Variants in GNA12 observed in about 807,000 individuals in gnomAD.
GNA12 encodes the protein guanine nucleotide-binding protein subunit alpha-12.
A neutral mutation model predicts 26.0 loss-of-function variants in GNA12; 9 were observed. The observed-to-expected ratio is 0.35, with a 90% CI of 0.21 to 0.60. The LOEUF is 0.60. Ranked by LOEUF, GNA12 falls within the 20% of genes least tolerant of loss-of-function variation. The pLI, the probability that GNA12 is intolerant of heterozygous loss-of-function variation, is 0.78. For missense variants in GNA12, 405 were observed against 525.8 expected, an observed-to-expected ratio of 0.77 and a Z score of 2.25; for synonymous variants, 264 against 219.6, an observed-to-expected ratio of 1.20 and a Z score of -1.79.
intron 1 of GNA12, among the ~76,000 whole-genome samples, chr7:2,829,149 G>A (rs963292331): frequency 2.6e-5 from 4 of 152,034 alleles, no homozygotes; most frequent in Non-Finnish European, 2.9e-5. Context: ...ACCTCCATGA[G>A]AGCAGAGACC....
intron 1 of GNA12, among the ~76,000 whole-genome samples, chr7:2,808,819 C>A (rs1053678920): frequency 1.4e-4 from 22 of 152,228 alleles, no homozygotes; most frequent in Admixed American, 5.2e-4. Flanking sequence ...AAGCCTAGGT[C>A]AGCTCTTATC....
chr7:2,737,263 A>AGTTTTGTTTT lies in GNA12; in HGVS notation c.526-3772_526-3763dup, dbSNP rs569069278. Among the ~76,000 whole-genome samples the AGTTTTGTTTT allele has an allele frequency of 3.2e-3, 254 of 79,542 alleles. 2 individuals carry two copies. The highest frequency in any genetic ancestry group is 0.01 in the African/African-American group (240 of 23,574). 52.2% of individuals were successfully genotyped at this position (79,542 alleles called of 152,430 possible). A position where few individuals can be genotyped will look rare whatever the true frequency, so the allele number is the denominator to read the frequency against. On this transcript the variant is annotated intron_variant, in intron 2 of 3. Coordinates refer to ENST00000275364, the MANE Select transcript of GNA12 (RefSeq NM_007353.3). ...TCTGCCCATTCAGGAGCTATCTCAC[A>AGTTTTGTTTT]GTTTTGTTTTGTTTTTTTTTTTTTT...
At chr7:2,793,161 G>C (rs1311805582) in intron 2 of GNA12, among the ~76,000 whole-genome samples, 10 of 152,194 alleles carry the variant, frequency 6.6e-5, no homozygotes, top group Admixed American at 1.3e-4. Context: ...CAGTGCTCTG[G>C]ACATGTCAAG....
chr7:2,823,212 C>A (rs1793407490), intron 1 of GNA12, among the ~76,000 whole-genome samples: 1 of 152,168 alleles, frequency 6.6e-6, no homozygotes, highest in Non-Finnish European at 1.5e-5. Flanking sequence ...CCCTGAAGAA[C>A]CCTTCTGTCT....
chr7:2,754,005 A>C (rs936758435), intron 2 of GNA12, among the ~76,000 whole-genome samples: 1 of 152,196 alleles, frequency 6.6e-6, no homozygotes, highest in African/African-American at 2.4e-5. Flanking sequence ...TGACCAGAGA[A>C]TCTACATCTA....
intron 1 of GNA12, among the ~76,000 whole-genome samples, chr7:2,797,871 C>A (rs1455506987): frequency 1.3e-5 from 2 of 152,124 alleles, no homozygotes; most frequent in Non-Finnish European, 2.9e-5. Flanking sequence ...CTTTAAGAAG[C>A]AGTATCTGAC....
intron 2 of GNA12, among the ~76,000 whole-genome samples, chr7:2,750,422 A>G (rs906039281): frequency 2.6e-5 from 4 of 152,268 alleles, no homozygotes; most frequent in Non-Finnish European, 5.9e-5. Context: ...CTCAGGGGAC[A>G]CATGCTGAGA....
chr7:2,783,531 G>A lies in GNA12; in HGVS notation c.525+11397C>T, dbSNP rs140061054. Reference sequence around the variant, plus strand: ...CCAACTTCATTTCCACCTCCACTTCGGGACCCCCAAAAGATCTGTCAGAAA... The same window carrying A: ...CCAACTTCATTTCCACCTCCACTTCAGGACCCCCAAAAGATCTGTCAGAAA... On this transcript the variant is annotated intron_variant, in intron 2 of 3. Transcript: ENST00000275364. Among the ~76,000 whole-genome samples the A allele has an allele frequency of 3.9e-5, 6 of 151,952 alleles. No homozygotes were observed. The East Asian group carries it at 5.8e-4, about 15-fold the overall frequency.
intron 2 of GNA12, among the ~76,000 whole-genome samples, chr7:2,776,913 G>A (rs1792091940): frequency 6.6e-6 from 1 of 152,154 alleles, no homozygotes; most frequent in Admixed American, 6.5e-5. Context: ...CTGTGCAGCT[G>A]TGCTTCAGCC....
In GNA12 at chr7:2,792,069, G is replaced by C. The variant is rs552343390; in HGVS notation, c.525+2859C>G. Among the ~76,000 whole-genome samples the C allele has an allele frequency of 2.0e-5, 3 of 152,250 alleles. No individual in the cohort carries two copies. In the East Asian group the frequency reaches 5.8e-4, roughly 29 times the overall value. On this transcript the variant is annotated intron_variant, in intron 2 of 3. Coordinates refer to ENST00000275364, the MANE Select transcript of GNA12 (RefSeq NM_007353.3). ...AAGCATAAGATCGAACCAAAGGGAC[G>C]ACTACTGACCCACCTGTGGCCACCT... is the stretch of plus-strand genomic sequence containing the variant.
chr7:2,787,165 G>A (rs1792383481), intron 2 of GNA12, among the ~76,000 whole-genome samples: 1 of 152,182 alleles, frequency 6.6e-6, no homozygotes, highest in African/African-American at 2.4e-5. Context: ...CTGAAGCTGT[G>A]TGAGCAATAG....
intron 1 of GNA12, among the ~76,000 whole-genome samples, chr7:2,799,138 G>T (rs1204321085): frequency 6.6e-6 from 1 of 152,146 alleles, no homozygotes; most frequent in Non-Finnish European, 1.5e-5. Flanking sequence ...TCAATAAATT[G>T]AACTTGATGA....
At chr7:2,780,898 A>G (rs1004233045) in intron 2 of GNA12, among the ~76,000 whole-genome samples, 1 of 152,258 alleles carries the variant, frequency 6.6e-6, no homozygotes, top group Non-Finnish European at 1.5e-5. Flanking sequence ...CTGGAAACAC[A>G]TATCTTAACT....
At chr7:2,824,984 G>A (rs922364777) in intron 1 of GNA12, among the ~76,000 whole-genome samples, 2 of 152,120 alleles carry the variant, frequency 1.3e-5, no homozygotes, top group Admixed American at 6.5e-5. Flanking sequence ...GCCCCGTGAG[G>A]GTGAGGTCTG....
intron 2 of GNA12, among the ~76,000 whole-genome samples, chr7:2,748,991 C>A (rs1790898851): frequency 6.6e-6 from 1 of 152,158 alleles, no homozygotes; most frequent in Non-Finnish European, 1.5e-5. Flanking sequence ...GAATGGTGAT[C>A]ATTAAAAAGT....
chr7:2,784,212 G>T (rs1162489654), intron 2 of GNA12, among the ~76,000 whole-genome samples: 3 of 152,132 alleles, frequency 2.0e-5, no homozygotes, highest in African/African-American at 7.2e-5. Flanking sequence ...CAACCTCCCA[G>T]GCTCATGGGA....
intron 1 of GNA12, among the ~76,000 whole-genome samples, chr7:2,812,942 TA>T (rs1313885440): frequency 6.6e-6 from 1 of 152,116 alleles, no homozygotes; most frequent in Non-Finnish European, 1.5e-5. Context: ...TTTCAAACTT[TA>T]AAAAAAATTT....
intron 1 of GNA12, among the ~76,000 whole-genome samples, chr7:2,842,200 T>A (rs562041718): frequency 7.6e-4 from 114 of 150,638 alleles, no homozygotes; most frequent in African/African-American, 2.3e-3. Context: ...TATCTAGGTG[T>A]AAGCAAGGCT....
chr7:2,772,431 G>C (rs1161143860), intron 2 of GNA12, among the ~76,000 whole-genome samples: 1 of 152,078 alleles, frequency 6.6e-6, no homozygotes, highest in African/African-American at 2.4e-5. Context: ...GTGGTGGTGG[G>C]CACCTGTAGT....
Sources: allele counts gnomAD v4.1 joint callset (sites outside exome capture counted in the v4.1 genomes callset), GRCh38; gene constraint gnomAD v4.1.1; transcripts MANE v1.5; gene names NCBI Gene and HGNC (gene_info 2026-07-23, HGNC 2026-07-21).